Variants in EPS15L1 observed in about 807,000 individuals in gnomAD.
The protein encoded by EPS15L1 is epidermal growth factor receptor pathway substrate 15 like 1, also known as epidermal growth factor receptor substrate 15-like 1.
In EPS15L1, 43 loss-of-function variants were observed where a neutral mutation model predicts 117.1. The ratio of observed to expected loss-of-function variants is 0.37; its 90% CI spans 0.29 to 0.47. The LOEUF is 0.47. EPS15L1 is among the 20% of genes least tolerant of loss of function. The probability of loss-of-function intolerance (pLI) is 0.99; values close to 1 mark genes in which losing one functional copy is unlikely to be tolerated. For synonymous variants in EPS15L1, 459 were observed against 470.5 expected (o/e 0.98, Z 0.32); for missense variants, 981 against 1,164.0 (o/e 0.84, Z 2.29).
Position 16,434,268 on chromosome 19 carries a change from G to A in EPS15L1, c.498+97C>T, listed in dbSNP as rs113607870. 1,181 of 1,481,306 alleles carry A rather than the reference G, an allele frequency of 8.0e-4. 12 individuals carry two copies. In the African/African-American group the frequency reaches 0.015, roughly 19 times the overall value. 91.8% of individuals were successfully genotyped at this position (1,481,306 alleles called of 1,614,324 possible). A position where few individuals can be genotyped will look rare whatever the true frequency, so the allele number is the denominator to read the frequency against. ...CCTGATGGCACAGGGAGAAAACAGA[G>A]CAAGAGCCTTGTAAGCACCATGGGG... is the stretch of plus-strand genomic sequence containing the variant. On this transcript the variant is annotated intron_variant, in intron 7 of 23. Coordinates refer to ENST00000455140, the MANE Select transcript of EPS15L1 (RefSeq NM_001258374.3).
At chr19:16,414,894 C>T (rs559370325) in intron 12 of EPS15L1, among the ~76,000 whole-genome samples, 2 of 151,866 alleles carry the variant, frequency 1.3e-5, no homozygotes, top group South Asian at 4.2e-4. Flanking sequence ...TTTTTTGTAG[C>T]CGAGGTCTCA....
In EPS15L1 at chr19:16,440,911, T is replaced by G. The variant is rs749812015; in HGVS notation, c.166-2A>C. 1 of 1,614,136 alleles carries G rather than the reference T, an allele frequency of 6.2e-7. No homozygotes were observed. The highest frequency in any genetic ancestry group is 8.5e-7 in the Non-Finnish European group (1 of 1,179,982). ...TTCTGGATCGGCCAAGTCCCATATC[T>G]GCGGAAACACAAAAATGCTCATAAG... On this transcript the variant is annotated splice_acceptor_variant, in intron 3 of 23. Transcript: ENST00000455140. LOFTEE classifies it high-confidence loss of function.
At chr19:16,400,336 C>CAAAAAAAA (rs1162302779) in intron 16 of EPS15L1, among the ~76,000 whole-genome samples, 24 of 60,696 alleles carry the variant, frequency 4.0e-4, no homozygotes, top group African/African-American at 1.1e-3. Flanking sequence ...GACTCCGTCT[C>CAAAAAAAA]AAAAAAAAAA....
At chr19:16,363,440 G>A (rs188521417) in intron 22 of EPS15L1, among the ~76,000 whole-genome samples, 484 of 152,044 alleles carry the variant, frequency 3.2e-3, no homozygotes, top group Non-Finnish European at 4.0e-3. Flanking sequence ...CCGGTAGAAC[G>A]AGCCCACACA....
rs560877881 is a variant in EPS15L1, at chr19:16,373,917, C to T, written c.2380+3205G>A. The stretch of plus-strand genomic sequence containing the variant: ...ACCACCACACGGTCTGTACCTACCA[C>T]CCAGCAGCGAGTACAATGCAGAATT... On this transcript the variant is annotated intron_variant, in intron 22 of 23. Transcript: ENST00000455140. 1.4e-4 allele frequency among the ~76,000 whole-genome samples: 22 copies of T among 152,330 alleles called. No individual in the cohort carries two copies. In the South Asian group the frequency reaches 4.6e-3, roughly 32 times the overall value.
Position 16,403,792 on chromosome 19 carries a change from G to A in EPS15L1, c.1567C>T (p.Arg523Ter). 1 of 1,613,894 alleles carries A rather than the reference G, an allele frequency of 6.2e-7. No individual in the cohort carries two copies. The highest frequency in any genetic ancestry group is 8.5e-7 in the Non-Finnish European group (1 of 1,180,004). ...TTGATGATGGTTTCCAGCTGGACTC[G>A]CCCAGCCTGAATGCTCTGCTCCAGC... ...TQLEQSIQAG[R>*]VQLETIIKSL... Residue 523 changes from arginine to a stop codon, truncating the protein, a stop_gained, in exon 15 of 24, where the codon CGA becomes TGA. Coordinates refer to ENST00000455140, the MANE Select transcript of EPS15L1 (RefSeq NM_001258374.3). LOFTEE classifies it high-confidence loss of function.
At chr19:16,419,079 G>GTGGCC (rs2092789331) in intron 10 of EPS15L1, among the ~76,000 whole-genome samples, 4 of 152,236 alleles carry the variant, frequency 2.6e-5, no homozygotes. Context: ...TGGATGTCCT[G>GTGGCC]AAAGATGGGC....
chr19:16,388,106 A>G (rs2092439518), intron 19 of EPS15L1, among the ~76,000 whole-genome samples: 1 of 152,148 alleles, frequency 6.6e-6, no homozygotes, highest in Non-Finnish European at 1.5e-5. Flanking sequence ...GCAGTGGTGC[A>G]ATCTCAGCTC....
intron 21 of EPS15L1, among the ~76,000 whole-genome samples, chr19:16,384,577 G>A (rs905828807): frequency 3.3e-5 from 5 of 152,184 alleles, no homozygotes; most frequent in African/African-American, 7.2e-5. Context: ...TCAGGTCACC[G>A]TGTGGTGAGG....
chr19:16,423,176 G>A (rs2092834842), intron 9 of EPS15L1, among the ~76,000 whole-genome samples: 1 of 152,150 alleles, frequency 6.6e-6, no homozygotes, highest in Admixed American at 6.5e-5. Context: ...GGAAACAAGG[G>A]ATACCATGTG....
intron 13 of EPS15L1, among the ~76,000 whole-genome samples, chr19:16,406,624 C>T (rs1289055381): frequency 2.6e-5 from 4 of 152,244 alleles, no homozygotes; most frequent in African/African-American, 9.6e-5. Context: ...ACACTGGCTC[C>T]TTCCAGGCCA....
chr19:16,400,004 C>T (rs1253597976), intron 16 of EPS15L1, among the ~76,000 whole-genome samples: 1 of 152,164 alleles, frequency 6.6e-6, no homozygotes, highest in Non-Finnish European at 1.5e-5. Flanking sequence ...TCAATATTCT[C>T]ATAATCAGAT....
chr19:16,442,695 C>T (rs2093044106), intron 1 of EPS15L1, among the ~76,000 whole-genome samples: 1 of 152,214 alleles, frequency 6.6e-6, no homozygotes, highest in Non-Finnish European at 1.5e-5. Flanking sequence ...TCCCATCCAT[C>T]CTCCTCCAGC....
At chr19:16,437,691 GCACATACACACATGCACATA>G in intron 5 of EPS15L1, 59 bp downstream of exon 5, 1 of 925,600 alleles carries the variant, frequency 1.1e-6, no homozygotes, top group South Asian at 1.4e-5. Flanking sequence ...AAATATACAT[GCACATACACACATGCACATA>G]CACACACACA....
chr19:16,440,689 A>G (rs141905143), intron 4 of EPS15L1, 173 bp downstream of exon 4: 1 of 533,004 alleles, frequency 1.9e-6, no homozygotes, highest in African/African-American at 1.9e-5. Flanking sequence ...AGATGGCTCC[A>G]AGTGTTTAAA....
At chr19:16,460,336 T>TA (rs558903348) in intron 1 of EPS15L1, among the ~76,000 whole-genome samples, 38 of 152,064 alleles carry the variant, frequency 2.5e-4, no homozygotes, top group South Asian at 1.5e-3. Flanking sequence ...GTCATTTTCT[T>TA]AAAAAAAATA....
In EPS15L1 at chr19:16,383,874, G is replaced by A. The variant is rs1388041350; in HGVS notation, c.2247+1255C>T. ...AGACTGCCCAGTCACACTGGCACCT[G>A]GGGCACCTGGGCATGGGGCCGGTGG... On this transcript the variant is annotated intron_variant, in intron 21 of 23. Transcript: ENST00000455140. The surrounding 1 kb of genome is among the most constrained non-coding windows in gnomAD (Gnocchi z 5.2). 2 of 152,322 alleles carry A rather than the reference G, an allele frequency of 1.3e-5. No homozygotes were observed. Among genetic ancestry groups the A allele is most frequent in the African/African-American group, 4.8e-5 (2 of 41,456 alleles). The allele number at this position is 152,322 out of a possible 1,614,324, so 9.4% of individuals were successfully genotyped here. A position where few individuals can be genotyped will look rare whatever the true frequency, so the allele number is the denominator to read the frequency against.
intron 13 of EPS15L1, among the ~76,000 whole-genome samples, chr19:16,410,967 A>G (rs1398060904): frequency 6.6e-6 from 1 of 152,230 alleles, no homozygotes; most frequent in East Asian, 1.9e-4. Flanking sequence ...TGCCATAAAA[A>G]GGAATTCAAC....
chr19:16,377,141 T>A lies in EPS15L1; in HGVS notation c.2361A>T (p.Pro787=). The change falls in exon 22 of 24, where the codon CCA becomes CCT. Residue 787 remains proline, a synonymous_variant. Coordinates refer to ENST00000455140, the MANE Select transcript of EPS15L1 (RefSeq NM_001258374.3). The stretch of plus-strand genomic sequence containing the variant: ...ACTGACCGCTGGGCGGTTTAGGCCG[T>A]GGAGGAGCAGGTTTCTTCGGAGGCA... ...PALPPKKPAP[P]RPKPPSGKST... 6.2e-7 allele frequency: 1 copy of A among 1,608,084 alleles called. No individual in the cohort carries two copies. The highest frequency in any genetic ancestry group is 1.3e-5 in the African/African-American group (1 of 74,568).
Sources: gnomAD v4.1 joint callset for allele counts (sites outside exome capture counted in the v4.1 genomes callset) on GRCh38, gnomAD v4.1.1 for gene constraint, Gnocchi (gnomAD v3.1) non-coding constraint, MANE v1.5 for transcripts, NCBI Gene and HGNC (gene_info 2026-07-23, HGNC 2026-07-21) for gene names.